COL1A2: variants seen among roughly 807,000 people sequenced by gnomAD.
The protein encoded by COL1A2 is collagen alpha-2(I) chain.
Under a neutral mutation model 174.3 loss-of-function variants are expected in COL1A2, and 49 were observed. That is an observed-to-expected ratio of 0.28 (90% CI 0.22 to 0.36). The LOEUF is 0.36. Among genes scored for constraint, COL1A2 ranks in the 10% least tolerant of loss-of-function variants. COL1A2 has a pLI of 1.00. For missense variants in COL1A2, 1,438 were observed against 1,822.7 expected (o/e 0.79, Z 3.84); for synonymous variants, 655 against 606.6 (o/e 1.08, Z -1.17).
At position 94,421,642 on chromosome 7, in the gene COL1A2, A is replaced by G. The variant is rs543313324; in HGVS notation, c.2350-257A>G. Among the ~76,000 whole-genome samples, 8 of 152,342 alleles carry G rather than the reference A, an allele frequency of 5.3e-5. No homozygotes were observed. The South Asian group carries it at 1.7e-3, about 32-fold the overall frequency. On this transcript the variant is annotated intron_variant, in intron 38 of 51. Transcript: ENST00000297268. ...TACAACCATAAGATAATATGTCAGC[A>G]TTTCAGAAAGGACCATCCAAACCTT...
intron 13 of COL1A2, 43 bp downstream of exon 13, chr7:94,407,934 C>G (rs763060869): frequency 1.3e-6 from 2 of 1,542,032 alleles, no homozygotes; most frequent in Non-Finnish European, 9.0e-7. Context: ...TGTGTACACT[C>G]TTTATGAGAT....
At chr7:94,408,726 T>C (rs1411507414) in intron 15 of COL1A2, 44 bp from the exon 16 acceptor site, 51 of 1,605,358 alleles carry the variant, frequency 3.2e-5, no homozygotes, top group Non-Finnish European at 4.1e-5. Context: ...GTTTTCTTAA[T>C]TTACTTGGAG....
chr7:94,396,351 T>C (rs1791584552), intron 1 of COL1A2, among the ~76,000 whole-genome samples: 1 of 152,106 alleles, frequency 6.6e-6, no homozygotes, highest in Non-Finnish European at 1.5e-5. Context: ...TGTCTGTGTG[T>C]CTGTGTGTCT....
intron 18 of COL1A2, 46 bp from the exon 19 acceptor site, chr7:94,409,677 C>T (rs1791877469): frequency 6.2e-7 from 1 of 1,613,028 alleles, no homozygotes. Context: ...GCTGCCTCTA[C>T]AGCCCATCAC....
At chr7:94,415,107 C>G in intron 29 of COL1A2, 119 bp from the exon 30 acceptor site, 1 of 844,314 alleles carries the variant, frequency 1.2e-6, no homozygotes, top group Non-Finnish European at 2.1e-6. Flanking sequence ...TGTACTTATG[C>G]ACTCATGTAG....
At position 94,408,224 on chromosome 7, in the gene COL1A2, C is replaced by G. The variant is rs1791843396; in HGVS notation, c.681C>G (p.Ala227=). ...CTGGTGAGAGAGGACGTGTTGGTGC[C>G]CCTGGCCCAGCTGTAAGTGCTTCCA... The part of the protein sequence containing the change: ...GLPGERGRVG[A]PGPAGARGSD... Residue 227 remains alanine, a synonymous_variant, in exon 14 of 52, where the codon GCC becomes GCG. Transcript: ENST00000297268. 6.2e-7 allele frequency: 1 copy of G among 1,614,088 alleles called. No individual in the cohort carries two copies. Among genetic ancestry groups the G allele is most frequent in the Admixed American group, 1.7e-5 (1 of 60,024 alleles).
chr7:94,421,248 T>C (rs746214286), intron 38 of COL1A2, 186 bp downstream of exon 38: 10 of 665,958 alleles, frequency 1.5e-5, no homozygotes, highest in Non-Finnish European at 2.7e-5. Context: ...CAGTGTATGT[T>C]GCTATCAGCT....
At chr7:94,408,862 C>G in intron 16 of COL1A2, 39 bp downstream of exon 16, 1 of 1,564,880 alleles carries the variant, frequency 6.4e-7, no homozygotes. Context: ...CTTTGATAAA[C>G]TTTTTACTGT....
intron 12 of COL1A2, 87 bp from the exon 13 acceptor site, chr7:94,407,760 A>G: frequency 8.2e-7 from 1 of 1,212,150 alleles, no homozygotes; most frequent in Admixed American, 1.8e-5. Context: ...TGAATGGTTC[A>G]AAGTAAAAAA....
intron 31 of COL1A2, 68 bp downstream of exon 31, chr7:94,416,571 A>T (rs1471900909): frequency 1.8e-6 from 2 of 1,137,758 alleles, no homozygotes; most frequent in Admixed American, 4.0e-5. Flanking sequence ...ACCCTTTACA[A>T]TAGAAAGATA....
In COL1A2 at chr7:94,427,016, T is replaced by C. The variant is rs974267627; in HGVS notation, c.3114T>C (p.His1038=). 41 of 1,613,778 alleles carry C rather than the reference T, an allele frequency of 2.5e-5. No homozygotes were observed. Among genetic ancestry groups the C allele is most frequent in the Non-Finnish European group, 3.0e-5 (35 of 1,179,902 alleles). Residue 1038 remains histidine, a synonymous_variant, in exon 47 of 52, where the codon CAT becomes CAC. Transcript: ENST00000297268. ...CTCTTCTGTCTTTAAAGGGTCACCA[T>C]GGTGATCAAGGTGCTCCTGGCTCCG... ...LQGLPGIAGH[H]GDQGAPGSVG...
Position 94,420,258 on chromosome 7 carries a change from C to A in COL1A2, c.2105C>A (p.Ala702Asp), listed in dbSNP as rs762218817. Residue 702 changes from alanine to aspartate, a missense_variant, in exon 35 of 52, where the codon GCT becomes GAT. Ala to Asp is a moderately radical substitution (Grantham distance 126). Coordinates refer to ENST00000297268, the MANE Select transcript of COL1A2 (RefSeq NM_000089.4). ...GGCGAAGCTGGGGCTGCTGGTCCTG[C>A]TGGTCCTGCTGGTCCTCGGGGAAGC... ...DRGEAGAAGP[A>D]GPAGPRGSPG... 6.2e-7 allele frequency: 1 copy of A among 1,613,682 alleles called. No individual in the cohort carries two copies. Among genetic ancestry groups the A allele is most frequent in the African/African-American group, 1.3e-5 (1 of 74,906 alleles).
At chr7:94,404,008 T>C (rs528571195) in intron 6 of COL1A2, among the ~76,000 whole-genome samples, 1 of 152,292 alleles carries the variant, frequency 6.6e-6, no homozygotes, top group East Asian at 1.9e-4. Flanking sequence ...CCTCATTACA[T>C]CCACTTTTGT....
intron 23 of COL1A2, 33 bp from the exon 24 acceptor site, chr7:94,412,035 G>C (rs762540248): frequency 1.9e-6 from 3 of 1,577,522 alleles, no homozygotes; most frequent in Admixed American, 3.4e-5. Context: ...AAGTTAAAGT[G>C]CCAATATAAA....
At chr7:94,406,888 C>T (rs1032493906) in intron 12 of COL1A2, among the ~76,000 whole-genome samples, 2 of 152,120 alleles carry the variant, frequency 1.3e-5, no homozygotes, top group Non-Finnish European at 2.9e-5. Flanking sequence ...TGAATACCAA[C>T]GTAATTACAA....
At chr7:94,416,261 A>G in intron 30 of COL1A2, 144 bp from the exon 31 acceptor site, 1 of 663,070 alleles carries the variant, frequency 1.5e-6, no homozygotes. Flanking sequence ...TTACTAGTGG[A>G]GAGATTAGGA....
At chr7:94,413,254 G>A (rs1791969097) in intron 26 of COL1A2, 118 bp downstream of exon 26, 11 of 1,064,164 alleles carry the variant, frequency 1.0e-5, no homozygotes, top group Admixed American at 1.7e-5. Context: ...CATCCCCAGG[G>A]GTCCTTTTAC....
chr7:94,418,350 AGAATGGTAAGGAATC>A (rs1792084304), intron 32 of COL1A2, 134 bp from the exon 33 acceptor site: 3 of 671,280 alleles, frequency 4.5e-6, no homozygotes, highest in Non-Finnish European at 8.0e-6. Context: ...AACATTCTAC[AGAATGGTAAGGAATC>A]GAGACATTGC....
At chr7:94,427,133 T>C (rs979817298) in intron 47 of COL1A2, 55 bp from the exon 48 acceptor site, 30 of 1,610,472 alleles carry the variant, frequency 1.9e-5, no homozygotes, top group Non-Finnish European at 2.5e-5. Context: ...CCCAGGCTGC[T>C]GCTCCCTTGG....
Sources: allele counts gnomAD v4.1 joint callset (sites outside exome capture counted in the v4.1 genomes callset), GRCh38; gene constraint gnomAD v4.1.1; transcripts MANE v1.5; gene names NCBI Gene and HGNC (gene_info 2026-07-23, HGNC 2026-07-21).